The following IFT43 variants were observed in gnomAD, a reference collection of about 807,000 sequenced individuals.
IFT43 encodes the protein intraflagellar transport 43, also known as intraflagellar transport protein 43 homolog.
Under a neutral mutation model 32.3 loss-of-function variants are expected in IFT43, and 33 were observed. The ratio of observed to expected loss-of-function variants is 1.02; its 90% CI spans 0.77 to 1.37. The LOEUF (loss-of-function observed/expected upper bound fraction) is 1.37, where lower values mean the gene tolerates loss of function less well. Ranked by LOEUF, IFT43 falls within the 40% of genes most tolerant of loss-of-function variation. IFT43 has a pLI of 0.00. For synonymous variants in IFT43, 93 were observed against 98.2 expected, an observed-to-expected ratio of 0.95 and a Z score of 0.31; for missense variants, 274 against 265.9, an observed-to-expected ratio of 1.03 and a Z score of -0.21.
chr14:76,033,676 T>G (rs554029071), intron 3 of IFT43, among the ~76,000 whole-genome samples: 8 of 152,268 alleles, frequency 5.3e-5, no homozygotes, highest in African/African-American at 1.9e-4. Context: ...AGGACCTACC[T>G]CATTAAGGTT....
In IFT43 at chr14:76,081,541, A is replaced by G. The variant is rs74457715; in HGVS notation, c.296-754A>G. 6.6e-3 allele frequency among the ~76,000 whole-genome samples: 1,009 copies of G among 152,358 alleles called. 10 individuals carry two copies. The highest frequency in any genetic ancestry group is 0.023 in the African/African-American group (953 of 41,570). ...TTGGTCACTTAAGCAAGTTGCCACAATTAAGGGATGGACTGGTTTCCCAGT... is the reference window on the plus strand; with the variant it reads ...TTGGTCACTTAAGCAAGTTGCCACAGTTAAGGGATGGACTGGTTTCCCAGT... On this transcript the variant is annotated intron_variant, in intron 5 of 8. Transcript: ENST00000314067.
At chr14:75,988,447 G>A (rs971394859) in intron 1 of IFT43, among the ~76,000 whole-genome samples, 1 of 152,178 alleles carries the variant, frequency 6.6e-6, no homozygotes, top group African/African-American at 2.4e-5. Flanking sequence ...ACATGTCCAA[G>A]TAACTCAAAT....
chr14:75,996,019 G>A (rs879045970), intron 2 of IFT43, among the ~76,000 whole-genome samples: 3 of 152,290 alleles, frequency 2.0e-5, no homozygotes, highest in Middle Eastern at 3.4e-3. Flanking sequence ...GAGATTCTCC[G>A]CCAGCACTGG....
intron 3 of IFT43, among the ~76,000 whole-genome samples, chr14:76,044,325 C>T (rs2036764463): frequency 6.6e-6 from 1 of 152,156 alleles, no homozygotes; most frequent in South Asian, 2.1e-4. Flanking sequence ...CAGGCGTGAG[C>T]CACCATGCCA....
chr14:76,063,909 T>G (rs972454139), intron 5 of IFT43, among the ~76,000 whole-genome samples: 1 of 152,194 alleles, frequency 6.6e-6, no homozygotes, highest in Non-Finnish European at 1.5e-5. Flanking sequence ...GGAGTCTGCA[T>G]GAATTTAAGT....
intron 2 of IFT43, among the ~76,000 whole-genome samples, chr14:75,998,470 CAG>C (rs1473890402): frequency 6.6e-6 from 1 of 152,156 alleles, no homozygotes; most frequent in Admixed American, 6.5e-5. Flanking sequence ...GACGAACAGA[CAG>C]AAGCTGAGGA....
At chr14:76,080,186 C>A (rs925097146) in intron 5 of IFT43, among the ~76,000 whole-genome samples, 1 of 152,188 alleles carries the variant, frequency 6.6e-6, no homozygotes, top group African/African-American at 2.4e-5. Context: ...TGGCTGTCAT[C>A]GCTGGCTCTG....
intron 5 of IFT43, among the ~76,000 whole-genome samples, chr14:76,070,332 CCTT>C (rs1359791738): frequency 2.0e-5 from 3 of 152,126 alleles, no homozygotes; most frequent in Admixed American, 1.3e-4. Context: ...ATCCTTCATC[CCTT>C]CTTCTTCAAA....
intron 3 of IFT43, among the ~76,000 whole-genome samples, chr14:76,051,944 C>A (rs12436549): frequency 0.32 from 48,566 of 152,010 alleles, 7,817 homozygotes; most frequent in Admixed American, 0.34. Context: ...AACCATTCAT[C>A]CAAACCCTTC....
At chr14:76,039,667 TA>T (rs1452600513) in intron 3 of IFT43, among the ~76,000 whole-genome samples, 1 of 152,148 alleles carries the variant, frequency 6.6e-6, no homozygotes, top group Non-Finnish European at 1.5e-5. Context: ...TATTTTTAAA[TA>T]AAAAAGAAAC....
intron 3 of IFT43, among the ~76,000 whole-genome samples, chr14:76,029,521 A>G (rs2036466774): frequency 6.6e-6 from 1 of 152,182 alleles, no homozygotes; most frequent in Admixed American, 6.5e-5. Context: ...GGACTTGGTT[A>G]TAAATTCTTT....
chr14:75,996,868 T>C (rs923144663), intron 2 of IFT43, among the ~76,000 whole-genome samples: 4 of 152,226 alleles, frequency 2.6e-5, no homozygotes, highest in Non-Finnish European at 5.9e-5. Context: ...TTTATGAAAC[T>C]TGATTGGGAG....
intron 2 of IFT43, among the ~76,000 whole-genome samples, chr14:76,011,776 G>C (rs1445813981): frequency 1.3e-5 from 2 of 152,162 alleles, no homozygotes; most frequent in Admixed American, 6.5e-5. Flanking sequence ...ATCTACTATG[G>C]AGAAACTCAG....
At chr14:76,083,190 G>A in intron 7 of IFT43, 37 bp from the exon 8 acceptor site, 2 of 1,613,792 alleles carry the variant, frequency 1.2e-6, no homozygotes, top group Non-Finnish European at 1.7e-6. Flanking sequence ...AAGCCCTCAA[G>A]GTGCTCAGCC....
intron 2 of IFT43, chr14:76,013,719 C>T (rs531484379): frequency 3.2e-5 from 11 of 346,640 alleles, no homozygotes; most frequent in East Asian, 7.1e-5. Flanking sequence ...TGAAGAAATC[C>T]GCAAATGTGG....
In IFT43 at chr14:76,003,827, G is replaced by T. The variant is rs1453738099; in HGVS notation, c.147+14850G>T. Among the ~76,000 whole-genome samples, 6 of 151,800 alleles carry T rather than the reference G, an allele frequency of 4.0e-5. No individual in the cohort carries two copies. In the East Asian group the frequency reaches 1.2e-3, roughly 30 times the overall value. On this transcript the variant is annotated intron_variant, in intron 2 of 8. Transcript: ENST00000314067. ...GAGTCTCACTCTGTTGCCCAGGCTG[G>T]AGTGCAGTGGCATGATCTTGGCTCA...
chr14:76,071,914 C>A (rs1424212907), intron 5 of IFT43, among the ~76,000 whole-genome samples: 1 of 151,954 alleles, frequency 6.6e-6, no homozygotes, highest in Non-Finnish European at 1.5e-5. Flanking sequence ...TCTCCTAACC[C>A]CCCCTGCTCA....
At chr14:76,043,248 C>G (rs973532980) in intron 3 of IFT43, among the ~76,000 whole-genome samples, 4 of 152,228 alleles carry the variant, frequency 2.6e-5, no homozygotes, top group Non-Finnish European at 5.9e-5. Flanking sequence ...AGTTGACAAG[C>G]ATTGAGGAAG....
intron 3 of IFT43, among the ~76,000 whole-genome samples, chr14:76,034,567 G>T (rs189564414): frequency 9.9e-4 from 151 of 152,344 alleles, no homozygotes; most frequent in Non-Finnish European, 1.8e-3. Flanking sequence ...AAGGTAGGAG[G>T]AAAGTGTCAC....
Sources: gnomAD v4.1 joint callset for allele counts (sites outside exome capture counted in the v4.1 genomes callset) on GRCh38, gnomAD v4.1.1 for gene constraint, MANE v1.5 for transcripts, NCBI Gene and HGNC (gene_info 2026-07-23, HGNC 2026-07-21) for gene names.